JARID2: variants seen among roughly 807,000 people sequenced by gnomAD.
JARID2 encodes protein Jumonji.
JARID2 carries 21 observed loss-of-function variants against 125.6 expected under a neutral mutation model. The observed-to-expected ratio is 0.17, with a 90% CI of 0.12 to 0.24. The LOEUF is 0.24. JARID2 is among the 10% of genes least tolerant of loss of function. The probability of loss-of-function intolerance (pLI) is 1.00; values close to 1 mark genes in which losing one functional copy is unlikely to be tolerated. For missense variants in JARID2, 1,303 were observed against 1,639.6 expected (o/e 0.79, Z 3.55); for synonymous variants, 736 against 661.6 (o/e 1.11, Z -1.73).
chr6:15,447,730 G>A (rs1392467595), intron 3 of JARID2, among the ~76,000 whole-genome samples: 1 of 152,212 alleles, frequency 6.6e-6, no homozygotes, highest in African/African-American at 2.4e-5. Context: ...ATGGTGTGGT[G>A]GGCGGGTATG....
chr6:15,263,211 G>T (rs1244796283), intron 1 of JARID2, among the ~76,000 whole-genome samples: 2 of 151,846 alleles, frequency 1.3e-5, no homozygotes. Context: ...TTTGCAAACC[G>T]TAAACACTGG....
intron 3 of JARID2, among the ~76,000 whole-genome samples, chr6:15,441,060 C>CA (rs759435198): frequency 6.6e-6 from 1 of 151,938 alleles, no homozygotes; most frequent in Non-Finnish European, 1.5e-5. Flanking sequence ...TGATACTTAT[C>CA]AAAAAAGGCT....
intron 3 of JARID2, among the ~76,000 whole-genome samples, chr6:15,413,210 G>C (rs1188213025): frequency 6.6e-6 from 1 of 151,612 alleles, no homozygotes; most frequent in Non-Finnish European, 1.5e-5. Context: ...GTGGAGACAG[G>C]GTTTCTCCAT....
intron 4 of JARID2, among the ~76,000 whole-genome samples, chr6:15,468,166 TGTC>T (rs796707724): frequency 3.6e-4 from 45 of 125,608 alleles, no homozygotes; most frequent in Middle Eastern, 4.2e-3. Flanking sequence ...CTGTCTTCTC[TGTC>T]TTTTTTTTTT....
Position 15,391,835 on chromosome 6 carries a change from G to T in JARID2, c.181+17583G>T, listed in dbSNP as rs184934186. On this transcript the variant is annotated intron_variant, in intron 2 of 17. Transcript: ENST00000341776. ...TGTCTCATTTGGTTTTGTTTCAGTG[G>T]TGAGTGGCTTTGGGGTGTTGAAGGC... is the stretch of plus-strand genomic sequence containing the variant. Among the ~76,000 whole-genome samples the T allele has an allele frequency of 2.1e-3, 322 of 152,314 alleles. 1 individual carries two copies. Among genetic ancestry groups the T allele is most frequent in the Non-Finnish European group, 3.5e-3 (239 of 68,022 alleles).
chr6:15,496,570 C>G lies in JARID2; in HGVS notation c.1345C>G (p.Gln449Glu). The change falls in exon 7 of 18, where the codon CAG becomes GAG. Residue 449 changes from glutamine (Q) to glutamate (E), a missense_variant. Transcript: ENST00000341776. ...NSKRRLEEAHQAEKPQSPPKK... is the reference protein window; with the variant it reads ...NSKRRLEEAHEAEKPQSPPKK... ...CAAGAGGAGACTGGAAGAGGCACAC[C>G]AGGCGGAGAAGCCGCAGTCGCCCCC... 1.2e-6 allele frequency: 2 copies of G among 1,605,266 alleles called. No individual in the cohort carries two copies. Among genetic ancestry groups the G allele is most frequent in the Non-Finnish European group, 1.7e-6 (2 of 1,177,016 alleles).
At position 15,450,868 on chromosome 6, in the gene JARID2, C is replaced by T. The variant is rs569863150; in HGVS notation, c.324-1138C>T. Among the ~76,000 whole-genome samples the T allele has an allele frequency of 6.6e-5, 10 of 152,314 alleles. No individual in the cohort carries two copies. In the South Asian group the frequency reaches 1.0e-3, roughly 16 times the overall value. ...CTGTGTTAAAAAAGAACAAACTGGG[C>T]TGGGTGTGGTGGCTCACGCCTGTAA... is the stretch of plus-strand genomic sequence containing the variant. On this transcript the variant is annotated intron_variant, in intron 3 of 17. Transcript: ENST00000341776.
At chr6:15,248,357 G>A (rs1759271283) in intron 1 of JARID2, among the ~76,000 whole-genome samples, 1 of 144,310 alleles carries the variant, frequency 6.9e-6, no homozygotes, top group Non-Finnish European at 1.5e-5. Context: ...CCGGCTTGCA[G>A]GCGGGCAGGA....
intron 2 of JARID2, among the ~76,000 whole-genome samples, chr6:15,402,428 T>A (rs2237153): frequency 2.0e-5 from 3 of 151,956 alleles, no homozygotes; most frequent in Non-Finnish European, 4.4e-5. Flanking sequence ...TCTGTGAACA[T>A]GCTGTGTTCA....
At chr6:15,295,798 G>T (rs1180929443) in intron 1 of JARID2, among the ~76,000 whole-genome samples, 10 of 152,084 alleles carry the variant, frequency 6.6e-5, no homozygotes, top group African/African-American at 2.4e-4. Flanking sequence ...TAAGTAGCTG[G>T]GACTACAGGT....
chr6:15,324,652 T>TTG (rs952128379), intron 1 of JARID2, among the ~76,000 whole-genome samples: 8 of 137,796 alleles, frequency 5.8e-5, no homozygotes, highest in African/African-American at 1.6e-4. Context: ...GATTTTTGTG[T>TTG]TTTTTTTTTT....
At chr6:15,449,241 TC>T (rs1315111380) in intron 3 of JARID2, among the ~76,000 whole-genome samples, 1 of 152,092 alleles carries the variant, frequency 6.6e-6, no homozygotes, top group Non-Finnish European at 1.5e-5. Flanking sequence ...GATCCCACCC[TC>T]CCCCTTATTT....
chr6:15,410,901 C>T (rs1765848398), intron 3 of JARID2, among the ~76,000 whole-genome samples: 1 of 152,048 alleles, frequency 6.6e-6, no homozygotes, highest in Non-Finnish European at 1.5e-5. Flanking sequence ...TGTGGCTTTC[C>T]TAAATAAGCT....
At chr6:15,287,668 T>G (rs1405476313) in intron 1 of JARID2, among the ~76,000 whole-genome samples, 1 of 152,174 alleles carries the variant, frequency 6.6e-6, no homozygotes, top group Non-Finnish European at 1.5e-5. Context: ...TTTTCCTTCT[T>G]CCTGCAGTTG....
intron 1 of JARID2, among the ~76,000 whole-genome samples, chr6:15,287,100 T>A (rs1052947222): frequency 6.6e-6 from 1 of 151,444 alleles, no homozygotes; most frequent in Non-Finnish European, 1.5e-5. Context: ...AACTCCAGCC[T>A]GGGCAACAAG....
intron 1 of JARID2, among the ~76,000 whole-genome samples, chr6:15,314,304 T>C (rs1762110155): frequency 6.6e-6 from 1 of 150,518 alleles, no homozygotes; most frequent in Non-Finnish European, 1.5e-5. Flanking sequence ...TTTGGCTTTC[T>C]CTGCTAGAAT....
At chr6:15,405,558 C>G (rs566660085) in intron 2 of JARID2, among the ~76,000 whole-genome samples, 41 of 152,080 alleles carry the variant, frequency 2.7e-4, no homozygotes, top group Admixed American at 9.2e-4. Context: ...GTTCAACCTA[C>G]TGAATATTAA....
At chr6:15,315,066 A>C (rs1435655260) in intron 1 of JARID2, 1 of 152,238 alleles carries the variant, frequency 6.6e-6, no homozygotes, top group Non-Finnish European at 1.5e-5. Context: ...CAGTTTCTAA[A>C]ATTGAAGAAT....
intron 1 of JARID2, among the ~76,000 whole-genome samples, chr6:15,284,231 G>C (rs1485487026): frequency 2.0e-5 from 3 of 152,052 alleles, no homozygotes; most frequent in African/African-American, 7.2e-5. Context: ...CCACTAAATT[G>C]ATATGGAATT....
Sources: gnomAD v4.1 joint callset for allele counts (sites outside exome capture counted in the v4.1 genomes callset) on GRCh38, gnomAD v4.1.1 for gene constraint, MANE v1.5 for transcripts, NCBI Gene and HGNC (gene_info 2026-07-23, HGNC 2026-07-21) for gene names.